Variants in GPCPD1 observed in about 807,000 individuals in gnomAD.
GPCPD1 encodes the protein glycerophosphocholine phosphodiesterase GPCPD1.
Under a neutral mutation model 89.2 loss-of-function variants are expected in GPCPD1, and 29 were observed. That is an observed-to-expected ratio of 0.33 (90% CI 0.24 to 0.44). The LOEUF is 0.44. GPCPD1 is among the 20% of genes least tolerant of loss of function. The pLI, the probability that GPCPD1 is intolerant of heterozygous loss-of-function variation, is 1.00. For missense variants in GPCPD1, 594 were observed against 808.9 expected, an observed-to-expected ratio of 0.73 and a Z score of 3.22; for synonymous variants, 258 against 266.3, an observed-to-expected ratio of 0.97 and a Z score of 0.30.
At chr20:5,564,034 G>A (rs757836005) in intron 15 of GPCPD1, among the ~76,000 whole-genome samples, 1 of 151,988 alleles carries the variant, frequency 6.6e-6, no homozygotes, top group Admixed American at 6.6e-5. Context: ...TACCTGACAC[G>A]AGCAGAAAAA....
chr20:5,604,501 C>A, intron 1 of GPCPD1, 61 bp from the exon 2 acceptor site: 2 of 718,882 alleles, frequency 2.8e-6, no homozygotes, highest in Non-Finnish European at 2.4e-6. Flanking sequence ...TAGCCACCAT[C>A]AAGAAACAAC....
intron 1 of GPCPD1, among the ~76,000 whole-genome samples, chr20:5,605,725 C>T (rs1425753159): frequency 1.3e-5 from 2 of 151,820 alleles, no homozygotes; most frequent in African/African-American, 4.8e-5. Context: ...TTGAGGTGAG[C>T]CCCCCCACCT....
Position 5,580,138 on chromosome 20 carries a change from G to T in GPCPD1, c.350-7C>A. 2 of 1,385,518 alleles carry T rather than the reference G, an allele frequency of 1.4e-6. No individual in the cohort carries two copies. Among genetic ancestry groups the T allele is most frequent in the Non-Finnish European group, 2.0e-6 (2 of 987,178 alleles). 85.8% of individuals were successfully genotyped at this position (1,385,518 alleles called of 1,614,324 possible). A position where few individuals can be genotyped will look rare whatever the true frequency, so the allele number is the denominator to read the frequency against. ...TCCAGAGTTTCAACACCATCTGACA[G>T]AATAAATATGAAGAACAGTAATTAT... On this transcript the variant is annotated splice_region_variant and splice_polypyrimidine_tract_variant and intron_variant, in intron 6 of 19. Coordinates refer to ENST00000379019, the MANE Select transcript of GPCPD1 (RefSeq NM_019593.5).
At chr20:5,593,093 A>G (rs571152606) in intron 4 of GPCPD1, among the ~76,000 whole-genome samples, 12 of 152,348 alleles carry the variant, frequency 7.9e-5, no homozygotes, top group African/African-American at 2.6e-4. Context: ...CATTAAAACC[A>G]ATTTCATAAG....
At chr20:5,594,491 A>G (rs1979565591) in intron 3 of GPCPD1, among the ~76,000 whole-genome samples, 2 of 152,008 alleles carry the variant, frequency 1.3e-5, no homozygotes, top group Admixed American at 1.3e-4. Context: ...GACGGGTTTC[A>G]CCGCATTAGC....
intron 4 of GPCPD1, among the ~76,000 whole-genome samples, chr20:5,592,623 C>A (rs532796156): frequency 6.6e-6 from 1 of 152,254 alleles, no homozygotes; most frequent in African/African-American, 2.4e-5. Flanking sequence ...TATCCTAGAC[C>A]CCTGCCTAAA....
At chr20:5,570,375 C>A in intron 11 of GPCPD1, 136 bp from the exon 12 acceptor site, 4 of 177,636 alleles carry the variant, frequency 2.3e-5, no homozygotes, top group Non-Finnish European at 3.5e-5. Context: ...AATGTATTCT[C>A]TTAAAACAAT....
chr20:5,586,072 A>G (rs1227422011), intron 5 of GPCPD1, 122 bp downstream of exon 5: 3 of 484,540 alleles, frequency 6.2e-6, no homozygotes, highest in Non-Finnish European at 1.1e-5. Context: ...TGAAATTTGT[A>G]GCACTGACAA....
At chr20:5,560,612 A>C (rs1986029791) in intron 16 of GPCPD1, among the ~76,000 whole-genome samples, 1 of 152,232 alleles carries the variant, frequency 6.6e-6, no homozygotes, top group Non-Finnish European at 1.5e-5. Context: ...AGTATTAGTC[A>C]CTGAAATAAT....
At chr20:5,552,070 A>C (rs1985445931) in intron 19 of GPCPD1, among the ~76,000 whole-genome samples, 1 of 152,240 alleles carries the variant, frequency 6.6e-6, no homozygotes, top group Non-Finnish European at 1.5e-5. Context: ...AGCCAGAGAC[A>C]ATGGAAGAAA....
At chr20:5,577,215 C>T (rs910262542) in intron 8 of GPCPD1, among the ~76,000 whole-genome samples, 1 of 151,870 alleles carries the variant, frequency 6.6e-6, no homozygotes, top group African/African-American at 2.4e-5. Context: ...CAGTCACGCG[C>T]CAACACGCCT....
chr20:5,567,222 G>A (rs557281627), intron 13 of GPCPD1, among the ~76,000 whole-genome samples: 1 of 152,312 alleles, frequency 6.6e-6, no homozygotes, highest in South Asian at 2.1e-4. Flanking sequence ...AGAAGGGCTA[G>A]CCACTATGGC....
chr20:5,578,851 C>T (rs1178156537), intron 7 of GPCPD1, among the ~76,000 whole-genome samples: 3 of 151,916 alleles, frequency 2.0e-5, no homozygotes, highest in African/African-American at 7.3e-5. Flanking sequence ...GATAAATGAC[C>T]ATTATGCCTA....
chr20:5,605,481 G>A (rs1317033904), intron 1 of GPCPD1, among the ~76,000 whole-genome samples: 2 of 152,062 alleles, frequency 1.3e-5, no homozygotes, highest in East Asian at 1.9e-4. Context: ...ATCATTAAAA[G>A]AAAAAGAAAA....
At chr20:5,548,304 C>A (rs1341912779) in intron 19 of GPCPD1, 1 of 152,004 alleles carries the variant, frequency 6.6e-6, no homozygotes, top group Non-Finnish European at 1.5e-5. Context: ...TCAGACACGT[C>A]CAGAGTGGAG....
rs182081430 is a variant in GPCPD1, at chr20:5,582,720, C to T, written c.349+1561G>A. Reference sequence around the variant, plus strand: ...CCTGACCAATATAGCAAAACCCCATCTCTACTAAAAATACAAAAATTAGCC... The same window carrying T: ...CCTGACCAATATAGCAAAACCCCATTTCTACTAAAAATACAAAAATTAGCC... On this transcript the variant is annotated intron_variant, in intron 6 of 19. Coordinates refer to ENST00000379019, the MANE Select transcript of GPCPD1 (RefSeq NM_019593.5). Among the ~76,000 whole-genome samples the T allele has an allele frequency of 5.9e-3, 890 of 152,078 alleles. 8 individuals carry two copies. The highest frequency in any genetic ancestry group is 8.1e-3 in the Non-Finnish European group (552 of 67,986).
At chr20:5,549,228 C>T in intron 19 of GPCPD1, 1 of 740,676 alleles carries the variant, frequency 1.4e-6, no homozygotes. Context: ...GCTAGAGACT[C>T]TACTGTGTCT....
chr20:5,553,755 TC>T (rs1334195078), intron 19 of GPCPD1, among the ~76,000 whole-genome samples: 1 of 152,184 alleles, frequency 6.6e-6, no homozygotes, highest in East Asian at 1.9e-4. Flanking sequence ...TTAACTCTCT[TC>T]AGTTCTATCA....
chr20:5,602,050 C>T (rs1308788891), intron 2 of GPCPD1, among the ~76,000 whole-genome samples: 8 of 152,188 alleles, frequency 5.3e-5, no homozygotes, highest in Admixed American at 5.2e-4. Context: ...GTACTTGTTT[C>T]CCCCAAGGTC....
Sources: gnomAD v4.1 joint callset for allele counts (sites outside exome capture counted in the v4.1 genomes callset) on GRCh38, gnomAD v4.1.1 for gene constraint, MANE v1.5 for transcripts, NCBI Gene and HGNC (gene_info 2026-07-23, HGNC 2026-07-21) for gene names.